Variants in APBB2 observed in about 807,000 individuals in gnomAD.
The protein encoded by APBB2 is amyloid beta precursor protein binding family B member 2.
APBB2 carries 38 observed loss-of-function variants against 82.5 expected under a neutral mutation model. The observed-to-expected ratio is 0.46, with a 90% CI of 0.36 to 0.60. The LOEUF is 0.60. Ranked by LOEUF, APBB2 falls within the 20% of genes least tolerant of loss-of-function variation. The pLI is 0.00. For synonymous variants in APBB2, 341 were observed against 368.2 expected, an observed-to-expected ratio of 0.93 and a Z score of 0.85; for missense variants, 772 against 972.3, an observed-to-expected ratio of 0.79 and a Z score of 2.74.
intron 6 of APBB2, among the ~76,000 whole-genome samples, chr4:40,980,259 G>A (rs141261970): frequency 0.012 from 1,811 of 152,264 alleles, 41 homozygotes; most frequent in African/African-American, 0.042. Context: ...CCTGAGCTCA[G>A]GCAATCCACT....
At chr4:40,859,489 G>A (rs1045360075) in intron 12 of APBB2, among the ~76,000 whole-genome samples, 16 of 152,058 alleles carry the variant, frequency 1.1e-4, no homozygotes, top group Non-Finnish European at 7.4e-5. Context: ...AGAGGCATGA[G>A]CCACCGCACC....
At chr4:40,976,757 G>A (rs1225394024) in intron 6 of APBB2, among the ~76,000 whole-genome samples, 1 of 152,176 alleles carries the variant, frequency 6.6e-6, no homozygotes, top group East Asian at 1.9e-4. Flanking sequence ...TATTTATTCA[G>A]ATGGGGCAAG....
intron 15 of APBB2, among the ~76,000 whole-genome samples, chr4:40,824,662 A>C (rs1237078180): frequency 1.3e-5 from 2 of 151,720 alleles, no homozygotes; most frequent in Non-Finnish European, 1.5e-5. Flanking sequence ...TAATTTTTTG[A>C]ATTTTTTTTG....
At chr4:40,950,172 A>G (rs530109487) in intron 6 of APBB2, among the ~76,000 whole-genome samples, 34 of 152,370 alleles carry the variant, frequency 2.2e-4, no homozygotes, top group Non-Finnish European at 4.6e-4. Flanking sequence ...CAAAAATTAA[A>G]AAGTATTACA....
chr4:41,088,852 A>G (rs1479138832), intron 3 of APBB2, among the ~76,000 whole-genome samples: 2 of 152,210 alleles, frequency 1.3e-5, no homozygotes, highest in East Asian at 3.9e-4. Flanking sequence ...AGAGTCCCCA[A>G]AGAGCTGGTC....
intron 2 of APBB2, among the ~76,000 whole-genome samples, chr4:41,113,311 C>T (rs1749856076): frequency 6.6e-6 from 1 of 152,070 alleles, no homozygotes; most frequent in African/African-American, 2.4e-5. Context: ...GGGAAAGCTC[C>T]ATAATCTTTT....
At chr4:40,830,224 A>ATC (rs1751414172) in intron 13 of APBB2, among the ~76,000 whole-genome samples, 1 of 152,072 alleles carries the variant, frequency 6.6e-6, no homozygotes, top group Non-Finnish European at 1.5e-5. Flanking sequence ...ATATATATAT[A>ATC]TATGTTTCCA....
intron 1 of APBB2, among the ~76,000 whole-genome samples, chr4:41,185,903 T>G (rs1171419142): frequency 1.3e-5 from 2 of 152,108 alleles, no homozygotes; most frequent in African/African-American, 4.8e-5. Flanking sequence ...AGATTTCAAG[T>G]GAAAAATGTA....
intron 12 of APBB2, 46 bp downstream of exon 12, chr4:40,890,318 A>G (rs754635342): frequency 6.3e-7 from 1 of 1,585,606 alleles, no homozygotes; most frequent in South Asian, 1.1e-5. Flanking sequence ...CAGCTAGACC[A>G]GGGACACGGG....
chr4:41,081,078 C>T (rs947659471), intron 3 of APBB2, among the ~76,000 whole-genome samples: 1 of 152,226 alleles, frequency 6.6e-6, no homozygotes, highest in Non-Finnish European at 1.5e-5. Flanking sequence ...GTAGTCAGTT[C>T]TCTTGACGTA....
chr4:40,914,836 G>A (rs1177045427), intron 10 of APBB2, among the ~76,000 whole-genome samples: 1 of 152,118 alleles, frequency 6.6e-6, no homozygotes, highest in Non-Finnish European at 1.5e-5. Flanking sequence ...CAGGGTGGGG[G>A]GTGGTGCTTA....
chr4:41,189,304 A>C (rs1385068454), intron 1 of APBB2, among the ~76,000 whole-genome samples: 1 of 152,196 alleles, frequency 6.6e-6, no homozygotes, highest in East Asian at 1.9e-4. Flanking sequence ...CCAAGTTCAA[A>C]GAGGGAACAC....
At chr4:41,093,278 T>G (rs1050146112) in intron 3 of APBB2, among the ~76,000 whole-genome samples, 1 of 152,194 alleles carries the variant, frequency 6.6e-6, no homozygotes, top group Non-Finnish European at 1.5e-5. Flanking sequence ...TGAGAGTAGA[T>G]GCAGTCAGTA....
At chr4:41,022,921 A>G (rs1178030067) in intron 5 of APBB2, among the ~76,000 whole-genome samples, 1 of 152,220 alleles carries the variant, frequency 6.6e-6, no homozygotes. Context: ...TCCTTGATAT[A>G]TCAGAGAAAG....
At chr4:40,889,021 T>C (rs1477173036) in intron 12 of APBB2, among the ~76,000 whole-genome samples, 2 of 152,236 alleles carry the variant, frequency 1.3e-5, no homozygotes, top group Non-Finnish European at 2.9e-5. Context: ...TCATGCATCT[T>C]TCCAGGGCTA....
chr4:40,878,890 C>CCG (rs1767619943), intron 12 of APBB2, among the ~76,000 whole-genome samples: 1 of 152,150 alleles, frequency 6.6e-6, no homozygotes, highest in African/African-American at 2.4e-5. Flanking sequence ...GCTGCCATGA[C>CCG]CGCGCCTGCA....
chr4:41,108,188 C>A (rs1240004323), intron 2 of APBB2, among the ~76,000 whole-genome samples: 1 of 151,974 alleles, frequency 6.6e-6, no homozygotes, highest in Non-Finnish European at 1.5e-5. Context: ...GCAGATTGGG[C>A]AAAATGTTAA....
chr4:41,077,332 T>A (rs1368837756), intron 3 of APBB2, among the ~76,000 whole-genome samples: 1 of 151,490 alleles, frequency 6.6e-6, no homozygotes, highest in Admixed American at 6.6e-5. Flanking sequence ...TAAACAATAA[T>A]TACATTGGAG....
chr4:40,955,900 C>G (rs1197471543), intron 6 of APBB2, among the ~76,000 whole-genome samples: 1 of 152,014 alleles, frequency 6.6e-6, no homozygotes, highest in African/African-American at 2.4e-5. Flanking sequence ...CTCAGCCTCT[C>G]GAGTAGCTGG....
Sources: allele counts gnomAD v4.1 joint callset (sites outside exome capture counted in the v4.1 genomes callset), GRCh38; gene constraint gnomAD v4.1.1; transcripts MANE v1.5; gene names NCBI Gene and HGNC (gene_info 2026-07-23, HGNC 2026-07-21).